Variants in AMOT observed in about 807,000 individuals in gnomAD.
AMOT encodes the protein angiomotin.
A neutral mutation model predicts 67.0 loss-of-function variants in AMOT; 11 were observed. That is an observed-to-expected ratio of 0.16 (90% CI 0.10 to 0.27). The LOEUF is 0.27. Among genes scored for constraint, AMOT ranks in the 10% least tolerant of loss-of-function variants. AMOT has a pLI of 1.00. For missense variants in AMOT, 753 were observed against 852.0 expected (o/e 0.88, Z 1.45); for synonymous variants, 326 against 321.4 (o/e 1.01, Z -0.15).
intron 7 of AMOT, among the ~76,000 whole-genome samples, chrX:112,807,523 T>A (rs1214481716): frequency 2.8e-5 from 3 of 106,945 alleles, no homozygotes; most frequent in Non-Finnish European, 5.8e-5. Context: ...AAAACAAATA[T>A]GATTCATATG....
In AMOT at chrX:112,822,416, G is replaced by C; in HGVS notation, c.711C>G (p.Gly237=). The change falls in exon 4 of 14, where the codon GGC becomes GGG. Residue 237 remains glycine (G), a synonymous_variant. Coordinates refer to ENST00000371959, the MANE Select transcript of AMOT (RefSeq NM_001113490.2). ...CCTTGAAGGGATATTCTGGTGGGGGGCCTCGGTGTTCCATGCCCTTCAGGC... is the reference window on the plus strand; with the variant it reads ...CCTTGAAGGGATATTCTGGTGGGGGCCCTCGGTGTTCCATGCCCTTCAGGC... ...QHSLKGMEHR[G]PPPEYPFKGM... The C allele has an allele frequency of 8.6e-7, 1 of 1,167,796 alleles. No individual in the cohort carries two copies. The highest frequency in any genetic ancestry group is 1.1e-6 in the Non-Finnish European group (1 of 873,057).
intron 1 of AMOT, among the ~76,000 whole-genome samples, chrX:112,838,280 CCT>C (rs1446150352): frequency 9.0e-6 from 1 of 111,550 alleles, no homozygotes; most frequent in Non-Finnish European, 1.9e-5. Context: ...GTGAGAAACC[CCT>C]CTTGTCTCCA....
At chrX:112,839,940 T>C (rs777482801) in intron 1 of AMOT, among the ~76,000 whole-genome samples, 5 of 111,247 alleles carry the variant, frequency 4.5e-5, no homozygotes, top group Non-Finnish European at 9.4e-5. Context: ...CCACCACACA[T>C]CTCAAAGAGT....
intron 1 of AMOT, among the ~76,000 whole-genome samples, chrX:112,834,335 G>A (rs888295391): frequency 7.2e-5 from 8 of 111,582 alleles, no homozygotes; most frequent in Non-Finnish European, 1.3e-4. Flanking sequence ...ATAAAGAGGA[G>A]AGCAGATCGT....
intron 5 of AMOT, among the ~76,000 whole-genome samples, chrX:112,813,822 T>C (rs746171488): frequency 3.6e-5 from 4 of 112,000 alleles, no homozygotes; most frequent in South Asian, 7.5e-4. Flanking sequence ...AATTAATTTA[T>C]TTCACCAAAG....
Position 112,779,628 on chromosome X carries a change from C to A in AMOT, c.2526G>T (p.Ser842=). Reference sequence around the variant, plus strand: ...GCAGGGGAGTCGAGGGTGGCACAGGCGAGGGTGTGGAAGGGACATATTCAG... The same window carrying A: ...GCAGGGGAGTCGAGGGTGGCACAGGAGAGGGTGTGGAAGGGACATATTCAG... ...YRAEYVPSTP[S]PVPPSTPLLS... The change falls in exon 13 of 14, where the codon TCG becomes TCT. Residue 842 remains serine, a synonymous_variant. Coordinates refer to ENST00000371959, the MANE Select transcript of AMOT (RefSeq NM_001113490.2). 8.3e-7 allele frequency: 1 copy of A among 1,210,222 alleles called. No individual in the cohort carries two copies. The highest frequency in any genetic ancestry group is 1.1e-6 in the Non-Finnish European group (1 of 895,129).
chrX:112,822,034 T>C lies in AMOT; in HGVS notation c.872+221A>G, dbSNP rs1453901365. ...TTCGTCCACTAGGCAGTTGAGGCCA[T>C]GCTCAACCTACAAAGCTAAGGGATT... On this transcript the variant is annotated intron_variant, in intron 4 of 13. Transcript: ENST00000371959. Among the ~76,000 whole-genome samples, 4 of 112,622 alleles carry C rather than the reference T, an allele frequency of 3.6e-5. No individual in the cohort carries two copies. In the East Asian group the frequency reaches 1.1e-3, roughly 31 times the overall value.
intron 10 of AMOT, among the ~76,000 whole-genome samples, chrX:112,786,571 T>G (rs1218027388): frequency 8.9e-6 from 1 of 112,189 alleles, no homozygotes; most frequent in East Asian, 2.8e-4. Context: ...GGAGCCTTAA[T>G]TCAGGCCATA....
intron 8 of AMOT, 49 bp downstream of exon 8, chrX:112,804,898 T>TGCCCCCCC: frequency 3.5e-5 from 29 of 837,568 alleles, no homozygotes; most frequent in Middle Eastern, 3.9e-4. Flanking sequence ...GTCCCCGATT[T>TGCCCCCCC]CCCAGCCCTC....
chrX:112,832,767 G>A (rs1935024972), intron 1 of AMOT, among the ~76,000 whole-genome samples: 1 of 111,843 alleles, frequency 8.9e-6, no homozygotes, highest in African/African-American at 3.3e-5. Context: ...TCCCTGTTTC[G>A]CTGTGCCCCT....
In AMOT at chrX:112,775,129, CG is replaced by C. The variant is rs1210818414; in HGVS notation, c.*3437del. 9.1e-6 allele frequency: 1 copy of C among 110,039 alleles called. No homozygotes were observed. Among genetic ancestry groups the C allele is most frequent in the Non-Finnish European group, 1.9e-5 (1 of 52,257 alleles). The allele number at this position is 110,039 out of a possible 1,213,427, so 9.1% of individuals were successfully genotyped here. The stretch of plus-strand genomic sequence containing the variant: ...GGTTTCATGGCTCCATGTAACCCAT[CG>C]TTGCTACTGGAAAAAAATAAACAAA... On this transcript the variant is annotated 3_prime_UTR_variant, in exon 14 of 14. Transcript: ENST00000371959.
At chrX:112,810,034 T>C (rs1569400002) in intron 6 of AMOT, 48 bp from the exon 7 acceptor site, 2 of 1,033,145 alleles carry the variant, frequency 1.9e-6, no homozygotes, top group South Asian at 1.9e-5. Flanking sequence ...TAAACTTTCA[T>C]GCACATACTA....
rs770168003 is a variant in AMOT at position 112,815,461 on chromosome X, A to C, written c.1289T>G (p.Ile430Ser). 7 of 1,209,803 alleles carry C rather than the reference A, an allele frequency of 5.8e-6. No individual in the cohort carries two copies. The highest frequency in any genetic ancestry group is 3.4e-6 in the Non-Finnish European group (3 of 895,301). Residue 430 changes from isoleucine to serine, a missense_variant, in exon 5 of 14, where the codon ATT (isoleucine) becomes AGT (serine). This residue lies in a region of AMOT where 297 missense variants were observed against 284.3 expected (regional missense o/e 1.04). Coordinates refer to ENST00000371959, the MANE Select transcript of AMOT (RefSeq NM_001113490.2). Reference protein sequence around the residue: ...YQPVPADPFAIVSRAQQMVEI... With the variant: ...YQPVPADPFASVSRAQQMVEI... ...AACCATCTGCTGGGCTCTGGAAACAATGGCAAAAGGGTCTGCTGGCACTGG... is the reference window on the plus strand; with the variant it reads ...AACCATCTGCTGGGCTCTGGAAACACTGGCAAAAGGGTCTGCTGGCACTGG...
chrX:112,813,191 T>C (rs1934426166), intron 5 of AMOT, among the ~76,000 whole-genome samples: 1 of 111,820 alleles, frequency 8.9e-6, no homozygotes, highest in African/African-American at 3.3e-5. Flanking sequence ...TATTTCAAGA[T>C]CTTGTACTAA....
rs1933061272 is a variant in AMOT, at chrX:112,779,519, C to T, written c.2635G>A (p.Ala879Thr). The change falls in exon 13 of 14, where the codon GCT (alanine) becomes ACT (threonine). Residue 879 changes from alanine to threonine, a missense_variant. Physicochemically the swap from Ala to Thr is moderately conservative, Grantham distance 58. Transcript: ENST00000371959. The stretch of plus-strand genomic sequence containing the variant: ...ACTGGAGCAGGAACAGAGATGGGAG[C>T]AACAGCTGCAGTTTTGTTCGATTCC... ...GTESNKTAAV[A>T]PISVPAPVAA... The T allele has an allele frequency of 8.3e-7, 1 of 1,209,357 alleles. No individual in the cohort carries two copies. Among genetic ancestry groups the T allele is most frequent in the African/African-American group, 1.8e-5 (1 of 56,987 alleles).
chrX:112,823,536 A>G (rs1331275715), intron 3 of AMOT, among the ~76,000 whole-genome samples: 4 of 111,770 alleles, frequency 3.6e-5, no homozygotes, highest in African/African-American at 1.3e-4. Context: ...TCTGTATTCT[A>G]TTTAAAGCAA....
chrX:112,825,170 T>C lies in AMOT; in HGVS notation c.-161A>G, dbSNP rs1164074181. ...CCGCAACGGCAGATTCCCTCTCCCC[T>C]AACACTCAGGTTCAGGGTAAGCGCC... On this transcript the variant is annotated 5_prime_UTR_variant, in exon 3 of 14. Coordinates refer to ENST00000371959, the MANE Select transcript of AMOT (RefSeq NM_001113490.2). The C allele has an allele frequency of 8.9e-6, 1 of 111,796 alleles. No individual in the cohort carries two copies. Among genetic ancestry groups the C allele is most frequent in the African/African-American group, 3.3e-5 (1 of 30,697 alleles). 9.2% of individuals were successfully genotyped at this position (111,796 alleles called of 1,213,427 possible). A position where few individuals can be genotyped will look rare whatever the true frequency, so the allele number is the denominator to read the frequency against.
intron 10 of AMOT, among the ~76,000 whole-genome samples, chrX:112,790,082 T>C (rs773720481): frequency 9.6e-6 from 1 of 103,895 alleles, no homozygotes; most frequent in African/African-American, 3.5e-5. Context: ...GTTATGCACA[T>C]AGAGAATGTG....
intron 6 of AMOT, among the ~76,000 whole-genome samples, chrX:112,810,578 C>T (rs1415654093): frequency 5.4e-5 from 6 of 110,319 alleles, no homozygotes; most frequent in Admixed American, 4.8e-4. Flanking sequence ...TGGTGGCGCA[C>T]GCTGGTAATC....
Sources: allele counts gnomAD v4.1 joint callset (sites outside exome capture counted in the v4.1 genomes callset), GRCh38; gene constraint gnomAD v4.1.1; regional missense constraint gnomAD v4.1.1; transcripts MANE v1.5; gene names NCBI Gene and HGNC (gene_info 2026-07-23, HGNC 2026-07-21).